ADAM9: variants seen among roughly 807,000 people sequenced by gnomAD.
The protein encoded by ADAM9 is ADAM metallopeptidase domain 9, also known as disintegrin and metalloproteinase domain-containing protein 9.
Under a neutral mutation model 108.1 loss-of-function variants are expected in ADAM9, and 54 were observed. That is an observed-to-expected ratio of 0.50 (90% confidence interval 0.40 to 0.63). The LOEUF is 0.63. ADAM9 is among the 20% of genes least tolerant of loss of function. The probability of loss-of-function intolerance (pLI) is 0.00; values close to 1 mark genes in which losing one functional copy is unlikely to be tolerated. For synonymous variants in ADAM9, 316 were observed against 336.0 expected, an observed-to-expected ratio of 0.94 and a Z score of 0.65; for missense variants, 830 against 997.7, an observed-to-expected ratio of 0.83 and a Z score of 2.26.
In ADAM9 at chr8:39,014,131, C is replaced by T. The variant is rs532633984; in HGVS notation, c.333+88C>T. 9.7e-6 allele frequency: 10 copies of T among 1,028,624 alleles called. No homozygotes were observed. In the East Asian group the frequency reaches 1.9e-4, roughly 20 times the overall value. The allele number at this position is 1,028,624 out of a possible 1,614,324, so 63.7% of individuals were successfully genotyped here. ...TCTGTATAGGCACTCAGGACTGTTACATTGCACAGCCCCACAGGGTACCTT... is the reference window on the plus strand; with the variant it reads ...TCTGTATAGGCACTCAGGACTGTTATATTGCACAGCCCCACAGGGTACCTT... On this transcript the variant is annotated intron_variant, in intron 4 of 21. Coordinates refer to ENST00000487273, the MANE Select transcript of ADAM9 (RefSeq NM_003816.3).
intron 11 of ADAM9, among the ~76,000 whole-genome samples, chr8:39,032,992 G>A (rs1015425082): frequency 2.6e-5 from 4 of 152,250 alleles, no homozygotes; most frequent in African/African-American, 2.4e-5. Context: ...GATTAGGATC[G>A]CATTGAATGT....
chr8:39,068,486 C>G (rs1003951497), intron 14 of ADAM9, among the ~76,000 whole-genome samples: 1 of 151,516 alleles, frequency 6.6e-6, no homozygotes, highest in Non-Finnish European at 1.5e-5. Flanking sequence ...ACCAGCCTGG[C>G]CAACATGGTG....
At chr8:39,035,299 A>G (rs570368585) in intron 11 of ADAM9, among the ~76,000 whole-genome samples, 51 of 152,250 alleles carry the variant, frequency 3.3e-4, no homozygotes, top group Admixed American at 2.6e-4. Flanking sequence ...AATCTGATAT[A>G]TTAGTTTTGT....
intron 20 of ADAM9, among the ~76,000 whole-genome samples, chr8:39,099,095 C>T (rs1036730927): frequency 2.6e-5 from 4 of 152,100 alleles, no homozygotes; most frequent in African/African-American, 7.2e-5. Flanking sequence ...GCAGTATCAC[C>T]ACGGGCCTTC....
At position 39,071,188 on chromosome 8, in the gene ADAM9, G is replaced by T. The variant is rs367716046; in HGVS notation, c.1592-110G>T. 5 of 923,398 alleles carry T rather than the reference G, an allele frequency of 5.4e-6. No individual in the cohort carries two copies. In the East Asian group the frequency reaches 1.3e-4, roughly 24 times the overall value. The allele number at this position is 923,398 out of a possible 1,614,324, so 57.2% of individuals were successfully genotyped here. Reference sequence around the variant, plus strand: ...GAAAGGTTTTCCACGGTGTTGAGGGGTATTGAGGCTGTTCATCCAGGTGTT... The same window carrying T: ...GAAAGGTTTTCCACGGTGTTGAGGGTTATTGAGGCTGTTCATCCAGGTGTT... On this transcript the variant is annotated intron_variant, in intron 14 of 21. Coordinates refer to ENST00000487273, the MANE Select transcript of ADAM9 (RefSeq NM_003816.3).
chr8:39,092,331 T>TACAC (rs71552833), intron 20 of ADAM9, among the ~76,000 whole-genome samples: 33,810 of 148,644 alleles, frequency 0.23, 3,871 homozygotes, highest in South Asian at 0.27. Flanking sequence ...AATATATTTA[T>TACAC]ACACACACAC....
chr8:39,066,220 A>G (rs2129440583), intron 14 of ADAM9, among the ~76,000 whole-genome samples: 1 of 152,316 alleles, frequency 6.6e-6, no homozygotes, highest in Middle Eastern at 3.4e-3. Context: ...ATACGTGTGC[A>G]TATGTCTTTA....
chr8:39,051,840 C>G (rs1359388953), intron 12 of ADAM9, among the ~76,000 whole-genome samples: 1 of 152,044 alleles, frequency 6.6e-6, no homozygotes, highest in African/African-American at 2.4e-5. Context: ...ATTTATTTAA[C>G]CATACTCTCA....
chr8:39,070,878 G>GA (rs1024331856), intron 14 of ADAM9, among the ~76,000 whole-genome samples: 2 of 151,950 alleles, frequency 1.3e-5, no homozygotes, highest in Non-Finnish European at 2.9e-5. Context: ...TATGATAAAT[G>GA]AAAAAAACAA....
At chr8:39,018,141 A>C (rs1180332155) in intron 6 of ADAM9, among the ~76,000 whole-genome samples, 1 of 152,228 alleles carries the variant, frequency 6.6e-6, no homozygotes. Flanking sequence ...GACTAGATCA[A>C]CTTCAGCTGC....
intron 1 of ADAM9, among the ~76,000 whole-genome samples, chr8:39,001,785 A>G (rs1836000290): frequency 6.6e-6 from 1 of 151,816 alleles, no homozygotes; most frequent in Non-Finnish European, 1.5e-5. Flanking sequence ...CTTCTGCCTC[A>G]GCCTCCTGAG....
chr8:39,005,465 TAGAA>T, intron 1 of ADAM9, among the ~76,000 whole-genome samples: 1 of 152,318 alleles, frequency 6.6e-6, no homozygotes, highest in East Asian at 1.9e-4. Context: ...GTAAACTAAA[TAGAA>T]AGCTGTTCCA....
chr8:39,069,928 T>G (rs1352883027), intron 14 of ADAM9, among the ~76,000 whole-genome samples: 1 of 151,090 alleles, frequency 6.6e-6, no homozygotes. Flanking sequence ...ACATACTGCT[T>G]TAAAACCTGC....
chr8:39,083,195 C>T (rs1021115697), intron 18 of ADAM9, 122 bp downstream of exon 18: 1 of 756,450 alleles, frequency 1.3e-6, no homozygotes. Context: ...GATTCAGCCT[C>T]CTAAATTCCT....
chr8:39,072,017 A>G (rs1325843745), intron 15 of ADAM9, among the ~76,000 whole-genome samples: 1 of 152,200 alleles, frequency 6.6e-6, no homozygotes, highest in Non-Finnish European at 1.5e-5. Flanking sequence ...ATAAAAGATT[A>G]TGTTACTAAG....
intron 11 of ADAM9, among the ~76,000 whole-genome samples, chr8:39,036,629 AC>A (rs747515722): frequency 8.5e-5 from 13 of 152,192 alleles, no homozygotes; most frequent in Non-Finnish European, 5.9e-5. Context: ...GAGTAGAAAT[AC>A]TTGAGTTGCT....
At chr8:39,055,885 A>C in intron 14 of ADAM9, 113 bp downstream of exon 14, 8 of 1,115,236 alleles carry the variant, frequency 7.2e-6, no homozygotes, top group South Asian at 1.5e-5. Flanking sequence ...CTTGTTTCTC[A>C]TCGTATTTCC....
intron 16 of ADAM9, among the ~76,000 whole-genome samples, chr8:39,079,099 T>C (rs932785548): frequency 2.0e-5 from 3 of 152,170 alleles, no homozygotes; most frequent in African/African-American, 7.2e-5. Context: ...ATGACTTAAG[T>C]AGATAGCAAA....
intron 12 of ADAM9, among the ~76,000 whole-genome samples, chr8:39,044,886 A>ACACATACATATGTATG (rs1837569812): frequency 7.6e-6 from 1 of 131,570 alleles, no homozygotes; most frequent in Non-Finnish European, 1.6e-5. Flanking sequence ...ATATATATGT[A>ACACATACATATGTATG]TATATATGTG....
Sources: allele counts gnomAD v4.1 joint callset (sites outside exome capture counted in the v4.1 genomes callset), GRCh38; gene constraint gnomAD v4.1.1; transcripts MANE v1.5; gene names NCBI Gene and HGNC (gene_info 2026-07-23, HGNC 2026-07-21).